The following IQSEC3 variants were observed in gnomAD, a reference collection of about 807,000 sequenced individuals.
IQSEC3 encodes IQ motif and SEC7 domain-containing protein 3.
Under a neutral mutation model 105.4 loss-of-function variants are expected in IQSEC3, and 50 were observed. The observed-to-expected ratio is 0.47, with a 90% CI of 0.38 to 0.60. IQSEC3 has a LOEUF of 0.60. IQSEC3 is among the 20% of genes least tolerant of loss of function. The pLI, the probability that IQSEC3 is intolerant of heterozygous loss-of-function variation, is 0.00. For synonymous variants in IQSEC3, 708 were observed against 746.0 expected (o/e 0.95, Z 0.83); for missense variants, 1,415 against 1,630.0 (o/e 0.87, Z 2.27).
intron 7 of IQSEC3, among the ~76,000 whole-genome samples, chr12:160,662 C>T (rs75494417): frequency 2.1e-3 from 318 of 152,228 alleles, no homozygotes; most frequent in East Asian, 0.017. Context: ...CTTTCTAACC[C>T]GTTTTCAACC....
At chr12:74,572 G>A (rs550288524) in intron 1 of IQSEC3, among the ~76,000 whole-genome samples, 9 of 152,358 alleles carry the variant, frequency 5.9e-5, no homozygotes, top group African/African-American at 1.2e-4. Context: ...CGTGCTGAGC[G>A]GCACCTTTCC....
chr12:79,643 G>A (rs541569574), intron 1 of IQSEC3, among the ~76,000 whole-genome samples: 1 of 152,038 alleles, frequency 6.6e-6, no homozygotes, highest in Non-Finnish European at 1.5e-5. Context: ...TGTTGCCCAG[G>A]CTGGTCTCGA....
chr12:151,095 G>A (rs1180499051), intron 5 of IQSEC3, among the ~76,000 whole-genome samples: 1 of 140,546 alleles, frequency 7.1e-6, no homozygotes, highest in Admixed American at 7.3e-5. Flanking sequence ...GCCCCAAGAT[G>A]GAGACTCCGT....
At position 125,818 on chromosome 12, in the gene IQSEC3, C is replaced by T. The variant is rs1865375000; in HGVS notation, c.809C>T (p.Pro270Leu). 1 of 1,528,796 alleles carries T rather than the reference C, an allele frequency of 6.5e-7. No individual in the cohort carries two copies. The highest frequency in any genetic ancestry group is 8.7e-7 in the Non-Finnish European group (1 of 1,144,192). 94.7% of individuals were successfully genotyped at this position (1,528,796 alleles called of 1,614,324 possible). A position where few individuals can be genotyped will look rare whatever the true frequency, so the allele number is the denominator to read the frequency against. Residue 270 changes from proline to leucine, a missense_variant, in exon 3 of 14, where the codon CCC becomes CTC. By Grantham distance (98) the Pro-to-Leu change is moderately conservative (BLOSUM62 -3). This residue lies in a region of IQSEC3 where 720 missense variants were observed against 633.0 expected (regional missense o/e 1.14). Transcript: ENST00000538872. Reference protein sequence around the residue: ...PRAGPQHKASPGRQQPALATA... With the variant: ...PRAGPQHKASLGRQQPALATA... The stretch of plus-strand genomic sequence containing the variant: ...GCTGGCCCCCAGCACAAGGCCTCCC[C>T]CGGCCGGCAGCAGCCTGCCCTGGCG...
chr12:94,909 A>G (rs1864198420), intron 1 of IQSEC3, among the ~76,000 whole-genome samples: 1 of 152,192 alleles, frequency 6.6e-6, no homozygotes, highest in Non-Finnish European at 1.5e-5. Flanking sequence ...GGCTTTTGTC[A>G]GGAATTCCAA....
chr12:115,300 A>T (rs782503071), intron 2 of IQSEC3, among the ~76,000 whole-genome samples: 1 of 152,194 alleles, frequency 6.6e-6, no homozygotes, highest in Admixed American at 6.5e-5. Flanking sequence ...CTCAGGACCC[A>T]AGAAACATGT....
Position 157,067 on chromosome 12 carries a change from C to T in IQSEC3, c.2196C>T (p.Asp732=), listed in dbSNP as rs782037792. 1.0e-5 allele frequency: 16 copies of T among 1,606,936 alleles called. No homozygotes were observed. The highest frequency in any genetic ancestry group is 5.1e-5 in the Admixed American group (3 of 59,200). ...DEMDFSSMEL[D]EALRKFQAHI... The stretch of plus-strand genomic sequence containing the variant: ...TGGACTTCTCCAGCATGGAGCTGGA[C>T]GAGGCCCTGCGCAAGTTCCAGGCAC... The change falls in exon 6 of 14, where the codon GAC becomes GAT. Residue 732 remains aspartate, a synonymous_variant. Transcript: ENST00000538872.
At chr12:110,769 CATTTTCTTTTTAGA>C (rs1864855958) in intron 2 of IQSEC3, among the ~76,000 whole-genome samples, 1 of 152,082 alleles carries the variant, frequency 6.6e-6, no homozygotes, top group Non-Finnish European at 1.5e-5. Flanking sequence ...AGAGTGGCCT[CATTTTCTTTTTAGA>C]ATTCTGAACC....
At chr12:156,243 G>C (rs1389810850) in intron 5 of IQSEC3, among the ~76,000 whole-genome samples, 3 of 151,554 alleles carry the variant, frequency 2.0e-5, no homozygotes, top group Non-Finnish European at 2.9e-5. Flanking sequence ...GAGGTAGCAA[G>C]GCCCTTGGGG....
chr12:162,959 A>G (rs868909504), intron 8 of IQSEC3, among the ~76,000 whole-genome samples: 20 of 152,144 alleles, frequency 1.3e-4, no homozygotes, highest in Middle Eastern at 6.8e-3. Context: ...TCAATTTCCT[A>G]TTCCTGTCCC....
chr12:76,113 C>T (rs1270432986), intron 1 of IQSEC3, among the ~76,000 whole-genome samples: 1 of 151,872 alleles, frequency 6.6e-6, no homozygotes. Flanking sequence ...CACACACACA[C>T]ACACACACAC....
chr12:100,042 A>C (rs1864372911), intron 2 of IQSEC3, among the ~76,000 whole-genome samples: 1 of 138,420 alleles, frequency 7.2e-6, no homozygotes, highest in African/African-American at 2.8e-5. Flanking sequence ...CTTGTTCTTT[A>C]CTCCACTTGG....
rs965193182 is a variant in IQSEC3, at chr12:141,185, G to A, written c.2053G>A (p.Gly685Ser). The A allele has an allele frequency of 4.5e-6, 7 of 1,569,878 alleles. No individual in the cohort carries two copies. Among genetic ancestry groups the A allele is most frequent in the Middle Eastern group, 1.7e-4 (1 of 5,848 alleles). ...CGGCTTCATCCCGGACACCCCCATC[G>A]GTGTGGCCCATTTCCTCCTCCAGCG... ...SRGFIPDTPI[G>S]VAHFLLQRKG... Residue 685 changes from glycine to serine, a missense_variant, in exon 5 of 14, where the codon GGT (glycine) becomes AGT (serine). By Grantham distance (56) the Gly-to-Ser change is moderately conservative. Coordinates refer to ENST00000538872, the MANE Select transcript of IQSEC3 (RefSeq NM_001170738.2).
chr12:116,206 C>G (rs2136952334), intron 2 of IQSEC3, among the ~76,000 whole-genome samples: 1 of 152,298 alleles, frequency 6.6e-6, no homozygotes, highest in Admixed American at 6.5e-5. Flanking sequence ...AAGCGACTTG[C>G]CCAAGGCCAC....
At position 77,241 on chromosome 12, in the gene IQSEC3, G is replaced by A. The variant is rs139066791; in HGVS notation, c.554+9805G>A. On this transcript the variant is annotated intron_variant, in intron 1 of 13. Transcript: ENST00000538872. ...AGGCCAAAGGGATTTCCAGAGACAG[G>A]TAGAGGCACTGCGCTGGGCAGCACC... is the stretch of plus-strand genomic sequence containing the variant. 4.5e-3 allele frequency: 809 copies of A among 178,136 alleles called. 2 individuals are homozygous for A. Among genetic ancestry groups the A allele is most frequent in the African/African-American group, 0.017 (728 of 41,652 alleles). The allele number at this position is 178,136 out of a possible 1,614,324, so 11.0% of individuals were successfully genotyped here. A position where few individuals can be genotyped will look rare whatever the true frequency, so the allele number is the denominator to read the frequency against.
At chr12:162,967 C>T (rs1219216863) in intron 8 of IQSEC3, among the ~76,000 whole-genome samples, 2 of 152,100 alleles carry the variant, frequency 1.3e-5, no homozygotes, top group Non-Finnish European at 2.9e-5. Context: ...CTATTCCTGT[C>T]CCTCTATCCC....
rs563055150 is a variant in IQSEC3 at position 89,547 on chromosome 12, A to G, written c.555-9599A>G. On this transcript the variant is annotated intron_variant, in intron 1 of 13. Transcript: ENST00000538872. ...GAAACATTACACTTGTGTAACAACTATCTCAGTCAAGATACAAACATTTTC... is the reference window on the plus strand; with the variant it reads ...GAAACATTACACTTGTGTAACAACTGTCTCAGTCAAGATACAAACATTTTC... 9.8e-5 allele frequency among the ~76,000 whole-genome samples: 15 copies of G among 152,350 alleles called. No homozygotes were observed. The East Asian group carries it at 2.9e-3, about 29-fold the overall frequency.
Position 175,298 on chromosome 12 carries a change from C to T in IQSEC3, c.*265C>T, listed in dbSNP as rs1939205407. On this transcript the variant is annotated 3_prime_UTR_variant, in exon 14 of 14. Coordinates refer to ENST00000538872, the MANE Select transcript of IQSEC3 (RefSeq NM_001170738.2). ...CCAGACCCGGCGAGGCCTCCTCTTC[C>T]CCTGGCCACCACTTTCCCCCATTGG... The T allele has an allele frequency of 1.4e-5, 6 of 438,906 alleles. No individual in the cohort carries two copies. The East Asian group carries it at 2.1e-4, about 15-fold the overall frequency. The allele number at this position is 438,906 out of a possible 1,614,324, so 27.2% of individuals were successfully genotyped here.
chr12:113,854 G>T (rs1864969163), intron 2 of IQSEC3, among the ~76,000 whole-genome samples: 2 of 152,362 alleles, frequency 1.3e-5, no homozygotes, highest in South Asian at 4.1e-4. Flanking sequence ...GAAAGAGAAA[G>T]AGAGAGGCGA....
Sources: gnomAD v4.1 joint callset for allele counts (sites outside exome capture counted in the v4.1 genomes callset) on GRCh38, gnomAD v4.1.1 for gene constraint, gnomAD v4.1.1 regional missense constraint, MANE v1.5 for transcripts, NCBI Gene and HGNC (gene_info 2026-07-23, HGNC 2026-07-21) for gene names.